The following CLUH variants were observed in gnomAD, a reference collection of about 807,000 sequenced individuals.
The protein encoded by CLUH is clustered mitochondria protein homolog.
In CLUH, 77 loss-of-function variants were observed where a neutral mutation model predicts 139.3. The ratio of observed to expected loss-of-function variants is 0.55; its 90% CI spans 0.46 to 0.67. The LOEUF (loss-of-function observed/expected upper bound fraction) is 0.67. Ranked by LOEUF, CLUH falls within the 30% of genes least tolerant of loss-of-function variation. The pLI, the probability that CLUH is intolerant of heterozygous loss-of-function variation, is 0.00. For missense variants in CLUH, 1,876 were observed against 1,875.8 expected (o/e 1.00, Z 0.00); for synonymous variants, 999 against 801.6 (o/e 1.25, Z -4.16).
intron 19 of CLUH, among the ~76,000 whole-genome samples, chr17:2,693,438 GAAGAA>G: frequency 6.6e-6 from 1 of 152,134 alleles, no homozygotes; most frequent in South Asian, 2.1e-4. Context: ...TTTATAAACA[GAAGAA>G]AAAACAGTCC....
At chr17:2,694,822 T>TACCCCCCCCCCCACCCCCCCAGCCC in intron 16 of CLUH, 35 bp downstream of exon 16, 1 of 1,346,334 alleles carries the variant, frequency 7.4e-7, no homozygotes, top group Non-Finnish European at 1.0e-6. Flanking sequence ...ATCTGCCCAA[T>TACCCCCCCCCCCACCCCCCCAGCCC]CCCACCCACC....
rs1266437901 is a variant in CLUH, at chr17:2,694,502, A to C, written c.2915T>G (p.Ile972Ser). ...GLQKITLLRE[I>S]SLKTGIQVLL... ...CACCTGGATCCCTGTTTTCAGCGAGATCTCCCGCAGGAGCGTTATCTTCTG... is the reference window on the plus strand; with the variant it reads ...CACCTGGATCCCTGTTTTCAGCGAGCTCTCCCGCAGGAGCGTTATCTTCTG... The change falls in exon 17 of 26, where the codon ATC (isoleucine) becomes AGC (serine). Residue 972 changes from isoleucine (I) to serine (S), a missense_variant. By Grantham distance (142) the Ile-to-Ser change is moderately radical. Around this residue, in one of 3 missense-constraint regions of CLUH, gnomAD observed 1,454 missense variants for 1,384.4 expected, o/e 1.05. Transcript: ENST00000651024. 6.3e-7 allele frequency: 1 copy of C among 1,582,908 alleles called. No individual in the cohort carries two copies. The highest frequency in any genetic ancestry group is 1.2e-5 in the South Asian group (1 of 86,128).
In CLUH at chr17:2,692,078, C is replaced by T; in HGVS notation, c.3580G>A (p.Val1194Ile). Residue 1194 changes from valine (V) to isoleucine (I), a missense_variant, in exon 23 of 26, where the codon GTC becomes ATC. Physicochemically the swap from Val to Ile is conservative, Grantham distance 29. Around this residue, in one of 3 missense-constraint regions of CLUH, gnomAD observed 1,454 missense variants for 1,384.4 expected, o/e 1.05. Transcript: ENST00000651024. ...CGGAACTCAGCTTTGCTCTCGTAGACTCGGGCGACAAGGTGGTGGCTGCCG... is the reference window on the plus strand; with the variant it reads ...CGGAACTCAGCTTTGCTCTCGTAGATTCGGGCGACAAGGTGGTGGCTGCCG... ...VALSHHLVAR[V>I]YESKAEFRSA... 1 of 1,603,978 alleles carries T rather than the reference C, an allele frequency of 6.2e-7. No individual in the cohort carries two copies. Among genetic ancestry groups the T allele is most frequent in the Non-Finnish European group, 8.5e-7 (1 of 1,176,186 alleles).
chr17:2,694,028 C>A lies in CLUH; in HGVS notation c.3103G>T (p.Glu1035Ter), dbSNP rs1374714629. ...QAKVQQGFLK[E>*]GCELINEALN... ...GCCTCATTGATGAGCTCACAGCCCT[C>A]CTTCAGGAAGCCTGCAGGGCACCCC... Residue 1035 changes from glutamate to a stop codon, truncating the protein, a stop_gained, in exon 19 of 26, where the codon GAG (glutamate) becomes TAG (stop). Transcript: ENST00000651024. LOFTEE classifies it high-confidence loss of function. The A allele has an allele frequency of 6.2e-7, 1 of 1,613,962 alleles. No individual in the cohort carries two copies.
Position 2,698,214 on chromosome 17 carries a change from G to T in CLUH, c.1643C>A (p.Thr548Asn). 6.3e-7 allele frequency: 1 copy of T among 1,583,574 alleles called. No individual in the cohort carries two copies. The change falls in exon 10 of 26, where the codon ACC (threonine) becomes AAC (asparagine). Residue 548 changes from threonine to asparagine, a missense_variant. Physicochemically the swap from Thr to Asn is moderately conservative, Grantham distance 65 (BLOSUM62 0). Around this residue, in one of 3 missense-constraint regions of CLUH, gnomAD observed 1,454 missense variants for 1,384.4 expected, o/e 1.05. Coordinates refer to ENST00000651024, the MANE Select transcript of CLUH (RefSeq NM_001366661.1). ...VIYGSIDFGKTVVSHPRYLEL... is the reference protein window; with the variant it reads ...VIYGSIDFGKNVVSHPRYLEL... ...CAGGTACCGCGGGTGTGACACCACGGTCTTGCCGAAGTCGATGGAGCCGTA... is the reference window on the plus strand; with the variant it reads ...CAGGTACCGCGGGTGTGACACCACGTTCTTGCCGAAGTCGATGGAGCCGTA...
In CLUH at chr17:2,695,110, C is replaced by T. The variant is rs2069884647; in HGVS notation, c.2608-9G>A. 1 of 1,612,114 alleles carries T rather than the reference C, an allele frequency of 6.2e-7. No homozygotes were observed. Among genetic ancestry groups the T allele is most frequent in the Middle Eastern group, 1.7e-4 (1 of 6,054 alleles). ...CCGGAGAGCTCGACTCCCTGCGAGG[C>T]AGGTTGGATCCGAGTCATGAGGGCC... On this transcript the variant is annotated splice_polypyrimidine_tract_variant and intron_variant, in intron 15 of 25. Coordinates refer to ENST00000651024, the MANE Select transcript of CLUH (RefSeq NM_001366661.1).
chr17:2,696,612 C>G, intron 11 of CLUH, 74 bp from the exon 12 acceptor site: 1 of 1,535,304 alleles, frequency 6.5e-7, no homozygotes, highest in Non-Finnish European at 8.8e-7. Flanking sequence ...AAGCCTCGCC[C>G]CCTAGCTCCT....
chr17:2,695,419 C>G lies in CLUH; in HGVS notation c.2499G>C (p.Glu833Asp), dbSNP rs770611203. The G allele has an allele frequency of 4.2e-5, 68 of 1,612,594 alleles. No individual in the cohort carries two copies. Among genetic ancestry groups the G allele is most frequent in the Non-Finnish European group, 5.3e-5 (62 of 1,179,772 alleles). ...INMRYLGKVL[E>D]LVLRSPARHQ... is the part of the protein sequence containing the mutation. ...GGCGGGCCGGGCTCCGCAGCACCAG[C>G]TCCAGCACCTTGCCCAGGTAGCGCA... is the stretch of plus-strand genomic sequence containing the variant. Residue 833 changes from glutamate to aspartate, a missense_variant, in exon 14 of 26, where the codon GAG becomes GAC. Glu to Asp is a conservative substitution (Grantham distance 45). Coordinates refer to ENST00000651024, the MANE Select transcript of CLUH (RefSeq NM_001366661.1).
intron 10 of CLUH, 94 bp downstream of exon 10, chr17:2,697,802 C>A: frequency 8.4e-7 from 1 of 1,189,358 alleles, no homozygotes; most frequent in Non-Finnish European, 1.1e-6. Flanking sequence ...CTCTCCAGCG[C>A]TTCTCCCTTC....
At chr17:2,705,453 C>T (rs549194848) in intron 1 of CLUH, among the ~76,000 whole-genome samples, 1 of 152,154 alleles carries the variant, frequency 6.6e-6, no homozygotes, top group African/African-American at 2.4e-5. Flanking sequence ...GGACACCACA[C>T]CATGCAAGCC....
chr17:2,690,667 G>A lies in CLUH; in HGVS notation c.3974C>T (p.Pro1325Leu), dbSNP rs771451632. The A allele has an allele frequency of 1.9e-6, 3 of 1,550,646 alleles. No individual in the cohort carries two copies. Among genetic ancestry groups the A allele is most frequent in the Non-Finnish European group, 2.6e-6 (3 of 1,155,516 alleles). ...AEEPMATEPA[P>L]AGAPGDLGSQ... Reference sequence around the variant, plus strand: ...GCCCAGGTCTCCTGGGGCCCCCGCTGGCGCGGGCTCGGTAGCCATGGGCTC... The same window carrying A: ...GCCCAGGTCTCCTGGGGCCCCCGCTAGCGCGGGCTCGGTAGCCATGGGCTC... Residue 1325 changes from proline to leucine, a missense_variant, in exon 26 of 26, where the codon CCA (proline) becomes CTA (leucine). Physicochemically the swap from Pro to Leu is moderately conservative, Grantham distance 98. Around this residue, in one of 3 missense-constraint regions of CLUH, gnomAD observed 1,454 missense variants for 1,384.4 expected, o/e 1.05. Transcript: ENST00000651024.
chr17:2,704,684 C>G lies in CLUH; in HGVS notation c.101-120G>C. The G allele has an allele frequency of 1.0e-6, 1 of 984,744 alleles. No individual in the cohort carries two copies. The highest frequency in any genetic ancestry group is 1.5e-6 in the Non-Finnish European group (1 of 682,370). 61.0% of individuals were successfully genotyped at this position (984,744 alleles called of 1,614,324 possible). On this transcript the variant is annotated intron_variant, in intron 1 of 25. Transcript: ENST00000651024. The surrounding 1 kb of genome is among the most constrained non-coding windows in gnomAD (Gnocchi z 5.7). ...GGCATCTGCATGCCCTCGAGAGTCC[C>G]AGCCTCACGGTCGCGCCTCGCCCTC...
Position 2,698,581 on chromosome 17 carries a change from C to G in CLUH, c.1276G>C (p.Asp426His). ...CCCCTGGTGGCTGCCGCGGTGAAGT[C>G]GCTGTGCACCTGGCGGGGGTCGAGG... is the stretch of plus-strand genomic sequence containing the variant. ...RERAIFKVHS[D>H]FTAAATRGAM... The change falls in exon 10 of 26, where the codon GAC becomes CAC. Residue 426 changes from aspartate (D) to histidine (H), a missense_variant. Around this residue, in one of 3 missense-constraint regions of CLUH, gnomAD observed 1,454 missense variants for 1,384.4 expected, o/e 1.05. Coordinates refer to ENST00000651024, the MANE Select transcript of CLUH (RefSeq NM_001366661.1). 2 of 1,601,760 alleles carry G rather than the reference C, an allele frequency of 1.2e-6. No individual in the cohort carries two copies. The highest frequency in any genetic ancestry group is 3.3e-4 in the Middle Eastern group (2 of 6,022).
At chr17:2,711,515 GTCC>G in intron 1 of CLUH, 44 bp downstream of exon 1, 7 of 516,034 alleles carry the variant, frequency 1.4e-5, no homozygotes, top group Non-Finnish European at 1.7e-5. Flanking sequence ...GCCCGCCCTG[GTCC>G]GGCGCCCCCC....
At chr17:2,698,686 G>T in intron 9 of CLUH, 96 bp from the exon 10 acceptor site, 1 of 1,180,924 alleles carries the variant, frequency 8.5e-7, no homozygotes, top group Non-Finnish European at 1.2e-6. Flanking sequence ...GGAGGCAACC[G>T]GGCCTGCCTT....
Position 2,703,524 on chromosome 17 carries a change from G to C in CLUH, c.304-35C>G, listed in dbSNP as rs374628238. 4.6e-5 allele frequency: 74 copies of C among 1,602,634 alleles called. No homozygotes were observed. The African/African-American group carries it at 9.2e-4, about 20-fold the overall frequency. On this transcript the variant is annotated intron_variant, in intron 2 of 25. Transcript: ENST00000651024. The surrounding 1 kb of genome is among the most constrained non-coding windows in gnomAD (Gnocchi z 4.2). ...GAAGGCCCCGCCCACCCCGGTGAGA[G>C]AGCACGTAGCGGGGAGAGAAGGCCC...
chr17:2,707,822 C>T lies in CLUH; in HGVS notation c.101-3258G>A. Reference sequence around the variant, plus strand: ...CCAAGGGCCTGGCTGGGACCTCTGGCTCCTGCTGCCCCCTGCAGGTGACCT... The same window carrying T: ...CCAAGGGCCTGGCTGGGACCTCTGGTTCCTGCTGCCCCCTGCAGGTGACCT... On this transcript the variant is annotated intron_variant, in intron 1 of 25. Transcript: ENST00000651024. This position sits in a 1 kb window ranked among gnomAD's most constrained non-coding sequence, Gnocchi z 7.4. The T allele has an allele frequency of 3.0e-6, 3 of 985,470 alleles. No homozygotes were observed. The highest frequency in any genetic ancestry group is 3.6e-6 in the Non-Finnish European group (3 of 829,930). 61.0% of individuals were successfully genotyped at this position (985,470 alleles called of 1,614,324 possible).
At chr17:2,708,861 G>C (rs1216226957) in intron 1 of CLUH, among the ~76,000 whole-genome samples, 7 of 35,192 alleles carry the variant, frequency 2.0e-4, no homozygotes, top group South Asian at 1.1e-3. Context: ...GCCTCTACTC[G>C]GGGGGGGGGG....
intron 22 of CLUH, 84 bp from the exon 23 acceptor site, chr17:2,692,181 G>A (rs528151801): frequency 3.4e-6 from 5 of 1,464,768 alleles, no homozygotes; most frequent in African/African-American, 1.4e-5. Flanking sequence ...GGGGTCTCCC[G>A]TAGATCCCTC....
Sources: allele counts gnomAD v4.1 joint callset (sites outside exome capture counted in the v4.1 genomes callset), GRCh38; gene constraint gnomAD v4.1.1; regional missense constraint gnomAD v4.1.1; non-coding constraint Gnocchi (gnomAD v3.1); transcripts MANE v1.5; gene names NCBI Gene and HGNC (gene_info 2026-07-23, HGNC 2026-07-21).